SMG6: variants seen among roughly 807,000 people sequenced by gnomAD.
The protein encoded by SMG6 is SMG6 nonsense mediated mRNA decay factor, also known as telomerase-binding protein EST1A.
In SMG6, 66 loss-of-function variants were observed where a neutral mutation model predicts 142.2. The ratio of observed to expected loss-of-function variants is 0.46; its 90% confidence interval spans 0.38 to 0.57. The LOEUF (loss-of-function observed/expected upper bound fraction) is 0.57. Ranked by LOEUF, SMG6 falls within the 20% of genes least tolerant of loss-of-function variation. The probability of loss-of-function intolerance (pLI) is 0.00; values close to 1 mark genes in which losing one functional copy is unlikely to be tolerated. For synonymous variants in SMG6, 779 were observed against 702.4 expected (o/e 1.11, Z -1.72); for missense variants, 1,793 against 1,832.0 (o/e 0.98, Z 0.39).
chr17:2,242,813 TATC>T (rs2073842912), intron 9 of SMG6, among the ~76,000 whole-genome samples: 1 of 151,778 alleles, frequency 6.6e-6, no homozygotes, highest in Non-Finnish European at 1.5e-5. Context: ...ATGATACCGA[TATC>T]ATCTTATCCA....
In SMG6 at chr17:2,159,675, A is replaced by G. The variant is rs879621787; in HGVS notation, c.3357+12983T>C. Among the ~76,000 whole-genome samples the G allele has an allele frequency of 1.5e-4, 23 of 152,340 alleles. 1 individual carries two copies. Among genetic ancestry groups the G allele is most frequent in the Admixed American group, 1.4e-3 (21 of 15,294 alleles). ...TAAGCAATTCTACTCCTGGATATTT[A>G]TCCAAGAGAAATGAAAATATATGAC... On this transcript the variant is annotated intron_variant, in intron 13 of 18. Coordinates refer to ENST00000263073, the MANE Select transcript of SMG6 (RefSeq NM_017575.5).
intron 13 of SMG6, among the ~76,000 whole-genome samples, chr17:2,098,911 G>A (rs1299859398): frequency 1.3e-5 from 2 of 152,172 alleles, no homozygotes; most frequent in Non-Finnish European, 2.9e-5. Flanking sequence ...AATTACAGGC[G>A]TGAGCCACCG....
At chr17:2,266,154 T>C in intron 8 of SMG6, 1 of 985,392 alleles carries the variant, frequency 1.0e-6, no homozygotes, top group Non-Finnish European at 1.2e-6. Flanking sequence ...TTCTAAAATG[T>C]CTAAACCAAA....
chr17:2,293,506 G>C (rs566249869), intron 4 of SMG6, among the ~76,000 whole-genome samples: 1 of 151,988 alleles, frequency 6.6e-6, no homozygotes, highest in South Asian at 2.1e-4. Flanking sequence ...GTCTCACTCT[G>C]TTGCCCAGGC....
At chr17:2,219,754 A>T (rs571869011) in intron 10 of SMG6, among the ~76,000 whole-genome samples, 27 of 149,990 alleles carry the variant, frequency 1.8e-4, no homozygotes, top group Non-Finnish European at 3.7e-4. Context: ...ATGAACTATG[A>T]CCACACCACT....
chr17:2,300,765 G>A, intron 1 of SMG6, 101 bp from the exon 2 acceptor site: 1 of 1,117,676 alleles, frequency 8.9e-7, no homozygotes. Context: ...AACAAAAAAA[G>A]TCGAGCAAGA....
intron 10 of SMG6, among the ~76,000 whole-genome samples, chr17:2,191,076 T>C (rs1194678545): frequency 6.6e-6 from 1 of 152,324 alleles, no homozygotes; most frequent in Non-Finnish European, 1.5e-5. Flanking sequence ...CTAGGTATGA[T>C]GGAGCACACA....
intron 8 of SMG6, among the ~76,000 whole-genome samples, chr17:2,246,495 GATCAAC>G (rs1158938321): frequency 6.6e-6 from 1 of 152,186 alleles, no homozygotes; most frequent in Non-Finnish European, 1.5e-5. Flanking sequence ...CTTAACCAAT[GATCAAC>G]ATCAAACTCT....
intron 1 of SMG6, among the ~76,000 whole-genome samples, chr17:2,302,630 A>G (rs2075307847): frequency 6.6e-6 from 1 of 152,250 alleles, no homozygotes; most frequent in Non-Finnish European, 1.5e-5. Flanking sequence ...CAGGAATCAT[A>G]TGCTCCAGCA....
intron 8 of SMG6, among the ~76,000 whole-genome samples, chr17:2,274,601 A>G (rs1004182573): frequency 3.3e-5 from 5 of 152,234 alleles, no homozygotes; most frequent in African/African-American, 1.2e-4. Flanking sequence ...AGGAGCTTCT[A>G]TGGTACAGTC....
intron 8 of SMG6, among the ~76,000 whole-genome samples, chr17:2,248,973 G>A (rs906420085): frequency 6.6e-5 from 10 of 151,430 alleles, no homozygotes; most frequent in Admixed American, 5.9e-4. Context: ...TGCAAGCTCC[G>A]CCTCCCGGGT....
rs145365311 is a variant in SMG6, at chr17:2,294,517, A to T, written c.2152-1540T>A. On this transcript the variant is annotated intron_variant, in intron 4 of 18. Transcript: ENST00000263073. ...CAGACCAGACTCCAAAGTTCCCCTA[A>T]CACACCACGGTGTTCTCCACTTCAG... Among the ~76,000 whole-genome samples, 659 of 152,206 alleles carry T rather than the reference A, an allele frequency of 4.3e-3. 7 individuals are homozygous for T. Among genetic ancestry groups the T allele is most frequent in the African/African-American group, 0.015 (625 of 41,528 alleles).
At chr17:2,244,338 G>GCA (rs3831031) in intron 9 of SMG6, among the ~76,000 whole-genome samples, 2,965 of 152,294 alleles carry the variant, frequency 0.019, 101 homozygotes, top group South Asian at 0.13. Context: ...CTGCCCTGAG[G>GCA]CACTCACTAG....
intron 3 of SMG6, 80 bp from the exon 4 acceptor site, chr17:2,297,433 T>C: frequency 9.8e-7 from 1 of 1,020,826 alleles, no homozygotes; most frequent in East Asian, 2.4e-5. Flanking sequence ...CAGACAACCC[T>C]TTCACAGTTC....
At chr17:2,194,707 C>CAAAAAAAAAAAAAAAAAAAAAAA (rs11415492) in intron 10 of SMG6, among the ~76,000 whole-genome samples, 1 of 139,960 alleles carries the variant, frequency 7.1e-6, no homozygotes. Flanking sequence ...GAAAACAAAA[C>CAAAAAAAAAAAAAAAAAAAAAAA]AAAACAAAAA....
At chr17:2,168,772 G>A (rs1042178513) in intron 13 of SMG6, among the ~76,000 whole-genome samples, 4 of 151,422 alleles carry the variant, frequency 2.6e-5, no homozygotes, top group East Asian at 4.0e-4. Flanking sequence ...TTTTTGAGAC[G>A]GAGTCTTGCT....
intron 15 of SMG6, among the ~76,000 whole-genome samples, chr17:2,073,708 CAAAAAAAAA>C (rs1309950009): frequency 1.4e-5 from 1 of 70,274 alleles, no homozygotes; most frequent in Non-Finnish European, 2.6e-5. Context: ...GACTCCGTCT[CAAAAAAAAA>C]AAAAAAAAAA....
intron 6 of SMG6, among the ~76,000 whole-genome samples, chr17:2,291,150 T>C (rs1041724385): frequency 1.3e-5 from 2 of 151,976 alleles, no homozygotes; most frequent in African/African-American, 4.8e-5. Context: ...GCTAACACAA[T>C]GAAACCCCGT....
intron 16 of SMG6, among the ~76,000 whole-genome samples, chr17:2,067,097 C>G (rs528424406): frequency 1.3e-5 from 2 of 152,334 alleles, no homozygotes; most frequent in African/African-American, 4.8e-5. Flanking sequence ...GAGGCAGGTC[C>G]AGAGAGGCTG....
Sources: gnomAD v4.1 joint callset for allele counts (sites outside exome capture counted in the v4.1 genomes callset) on GRCh38, gnomAD v4.1.1 for gene constraint, MANE v1.5 for transcripts, NCBI Gene and HGNC (gene_info 2026-07-23, HGNC 2026-07-21) for gene names.